The following KHDRBS2 variants were observed in gnomAD, a reference collection of about 807,000 sequenced individuals.
KHDRBS2 encodes the protein KH RNA binding domain containing, signal transduction associated 2.
Under a neutral mutation model 44.3 loss-of-function variants are expected in KHDRBS2, and 26 were observed. The ratio of observed to expected loss-of-function variants is 0.59; its 90% CI spans 0.43 to 0.81. The LOEUF is 0.81. Ranked by LOEUF, KHDRBS2 falls within the 40% of genes least tolerant of loss-of-function variation. The pLI, the probability that KHDRBS2 is intolerant of heterozygous loss-of-function variation, is 0.00. For synonymous variants in KHDRBS2, 194 were observed against 151.1 expected (o/e 1.28, Z -2.08); for missense variants, 476 against 433.1 (o/e 1.10, Z -0.88).
chr6:61,735,864 C>G (rs1208578118), intron 6 of KHDRBS2, among the ~76,000 whole-genome samples: 1 of 151,920 alleles, frequency 6.6e-6, no homozygotes, highest in African/African-American at 2.4e-5. Context: ...TTTACTATTC[C>G]ATGTTAAAGT....
At chr6:62,068,250 G>T (rs530436160) in intron 2 of KHDRBS2, among the ~76,000 whole-genome samples, 1 of 151,506 alleles carries the variant, frequency 6.6e-6, no homozygotes, top group Non-Finnish European at 1.5e-5. Context: ...AAGTTGTTAT[G>T]ATTTGAAGTT....
At chr6:61,771,218 G>A (rs1239757437) in intron 6 of KHDRBS2, among the ~76,000 whole-genome samples, 1 of 151,668 alleles carries the variant, frequency 6.6e-6, no homozygotes, top group African/African-American at 2.4e-5. Flanking sequence ...ACTGGTACCA[G>A]CCACTGCAAA....
chr6:61,955,015 TAC>T (rs534675784), intron 4 of KHDRBS2, among the ~76,000 whole-genome samples: 15 of 143,604 alleles, frequency 1.0e-4, no homozygotes, highest in Non-Finnish European at 1.4e-4. Context: ...TATGTATGTA[TAC>T]ACACATACAT....
Position 61,680,968 on chromosome 6 carries a change from A to G in KHDRBS2, c.1045T>C (p.Tyr349His). ...GGYREHPYGR[Y>H] ...GTCACAGGTGGGAAGGACCTTCAAT[A>G]TCTACCATAGGGGTGTTCCCTGTAT... Residue 349 changes from tyrosine to histidine, a missense_variant, in exon 9 of 9, where the codon TAT (tyrosine) becomes CAT (histidine). Tyr to His is a moderately conservative substitution (Grantham distance 83). Transcript: ENST00000281156. The G allele has an allele frequency of 6.2e-7, 1 of 1,605,038 alleles. No individual in the cohort carries two copies. Among genetic ancestry groups the G allele is most frequent in the Non-Finnish European group, 8.5e-7 (1 of 1,173,304 alleles).
At chr6:61,985,227 AC>A (rs1225876142) in intron 3 of KHDRBS2, among the ~76,000 whole-genome samples, 11 of 152,248 alleles carry the variant, frequency 7.2e-5, no homozygotes, top group African/African-American at 2.2e-4. Flanking sequence ...AAGACTGGAA[AC>A]TTTTTAGTAA....
chr6:61,694,596 T>C (rs1437236044), intron 8 of KHDRBS2, among the ~76,000 whole-genome samples: 1 of 152,224 alleles, frequency 6.6e-6, no homozygotes, highest in Non-Finnish European at 1.5e-5. Context: ...ATTTTTGTGT[T>C]GAACTCAAAG....
intron 1 of KHDRBS2, among the ~76,000 whole-genome samples, chr6:62,211,899 A>C (rs1829113140): frequency 6.6e-6 from 1 of 152,228 alleles, no homozygotes; most frequent in Non-Finnish European, 1.5e-5. Context: ...AAGACATGGA[A>C]TCAACCTAAA....
chr6:61,926,646 G>A (rs1410917560), intron 4 of KHDRBS2, among the ~76,000 whole-genome samples: 5 of 152,156 alleles, frequency 3.3e-5, no homozygotes, highest in Non-Finnish European at 7.3e-5. Flanking sequence ...AAGGGTGTTA[G>A]TGAGCAGCAG....
intron 2 of KHDRBS2, among the ~76,000 whole-genome samples, chr6:62,174,159 C>T (rs1182814806): frequency 6.6e-6 from 1 of 151,702 alleles, no homozygotes; most frequent in Non-Finnish European, 1.5e-5. Context: ...CCTATAAAGC[C>T]CCATAGTCTC....
At chr6:61,816,517 C>A in intron 6 of KHDRBS2, 1 of 352,252 alleles carries the variant, frequency 2.8e-6, no homozygotes, top group Admixed American at 3.5e-5. Flanking sequence ...AAAGATTCTA[C>A]CCTGTGTCTT....
chr6:62,029,850 T>C (rs1050439649), intron 3 of KHDRBS2, among the ~76,000 whole-genome samples: 3 of 151,976 alleles, frequency 2.0e-5, no homozygotes, highest in Non-Finnish European at 4.4e-5. Flanking sequence ...ATATTATATA[T>C]AGATATTGCA....
chr6:61,857,961 T>A (rs1796380275), intron 6 of KHDRBS2, among the ~76,000 whole-genome samples: 1 of 151,982 alleles, frequency 6.6e-6, no homozygotes, highest in Non-Finnish European at 1.5e-5. Context: ...TATGGCACAC[T>A]GTGTTATATA....
intron 6 of KHDRBS2, among the ~76,000 whole-genome samples, chr6:61,761,335 G>A (rs9444779): frequency 0.028 from 4,287 of 152,270 alleles, 221 homozygotes; most frequent in African/African-American, 0.099. Flanking sequence ...ACAAGTACAT[G>A]TCTGCTAAGG....
the KHDRBS2 span, among the ~76,000 whole-genome samples, chr6:61,608,638 T>C: frequency 6.6e-6 from 1 of 151,220 alleles, no homozygotes; most frequent in South Asian, 2.1e-4. Context: ...CCTCTCTGTG[T>C]CCATGTGTTC....
At chr6:62,060,780 C>A (rs1791632321) in intron 2 of KHDRBS2, among the ~76,000 whole-genome samples, 1 of 151,800 alleles carries the variant, frequency 6.6e-6, no homozygotes, top group South Asian at 2.1e-4. Context: ...GAAGAAAGTA[C>A]ACATAGTTGG....
At chr6:61,658,059 T>C in the KHDRBS2 span, among the ~76,000 whole-genome samples, 1 of 151,930 alleles carries the variant, frequency 6.6e-6, no homozygotes, top group Admixed American at 6.6e-5. Context: ...ATATTATGCA[T>C]AGGCTAGTCC....
chr6:61,846,781 GTACA>G (rs1287566388), intron 6 of KHDRBS2, among the ~76,000 whole-genome samples: 3 of 96,302 alleles, frequency 3.1e-5, no homozygotes, highest in East Asian at 5.4e-4. Flanking sequence ...GCCCTTGTAA[GTACA>G]TATATATATA....
intron 3 of KHDRBS2, among the ~76,000 whole-genome samples, chr6:62,047,495 G>C (rs1280754973): frequency 6.6e-6 from 1 of 151,814 alleles, no homozygotes; most frequent in Admixed American, 6.6e-5. Flanking sequence ...GATAAAATGA[G>C]AGAATGATAC....
At chr6:61,848,534 TATATATGTATATATATAC>T (rs1324273651) in intron 6 of KHDRBS2, among the ~76,000 whole-genome samples, 21 of 58,236 alleles carry the variant, frequency 3.6e-4, no homozygotes, top group African/African-American at 2.2e-3. Flanking sequence ...TATATATACA[TATATATGTATATATATAC>T]ATATATATAT....
Sources: gnomAD v4.1 joint callset for allele counts (sites outside exome capture counted in the v4.1 genomes callset) on GRCh38, gnomAD v4.1.1 for gene constraint, MANE v1.5 for transcripts, NCBI Gene and HGNC (gene_info 2026-07-23, HGNC 2026-07-21) for gene names.